The following ADAMTS17 variants were observed in gnomAD, a reference collection of about 807,000 sequenced individuals.
The protein encoded by ADAMTS17 is A disintegrin and metalloproteinase with thrombospondin motifs 17.
Under a neutral mutation model 141.5 loss-of-function variants are expected in ADAMTS17, and 113 were observed. The observed-to-expected ratio is 0.80, with a 90% CI of 0.69 to 0.93. The LOEUF is 0.93. ADAMTS17 is among the 40% of genes least tolerant of loss of function. ADAMTS17 has a pLI of 0.00. For synonymous variants in ADAMTS17, 768 were observed against 630.6 expected, an observed-to-expected ratio of 1.22 and a Z score of -3.27; for missense variants, 1,659 against 1,517.9, an observed-to-expected ratio of 1.09 and a Z score of -1.54.
intron 7 of ADAMTS17, among the ~76,000 whole-genome samples, chr15:100,209,769 G>A (rs1397760097): frequency 6.6e-6 from 1 of 152,112 alleles, no homozygotes; most frequent in African/African-American, 2.4e-5. Context: ...GAAAGTGGAT[G>A]GTACCAAGTC....
chr15:100,273,838 A>T (rs1022212773), intron 4 of ADAMTS17, among the ~76,000 whole-genome samples: 1 of 152,096 alleles, frequency 6.6e-6, no homozygotes, highest in Non-Finnish European at 1.5e-5. Context: ...TTTCCCCCTA[A>T]GCAGTGCTTT....
chr15:100,096,242 T>C, intron 15 of ADAMTS17, 114 bp downstream of exon 15: 6 of 1,542,724 alleles, frequency 3.9e-6, no homozygotes, highest in South Asian at 2.3e-5. Flanking sequence ...CCAGGTCACC[T>C]ATCCACTACC....
In ADAMTS17 at chr15:100,339,030, C is replaced by T. The variant is rs745746309; in HGVS notation, c.450+2009G>A. The T allele has an allele frequency of 7.9e-4, 780 of 985,412 alleles. 1 individual carries two copies. The highest frequency in any genetic ancestry group is 8.8e-4 in the Non-Finnish European group (732 of 829,994). 61.0% of individuals were successfully genotyped at this position (985,412 alleles called of 1,614,324 possible). ...GGAAGTGTCCAATGTCCAGCTCACA[C>T]GAACGGGATGAACAAGGCAGACTAA... On this transcript the variant is annotated intron_variant, in intron 2 of 21. Transcript: ENST00000268070.
chr15:99,975,917 T>C (rs557958758), intron 21 of ADAMTS17, 128 bp downstream of exon 21: 2 of 1,058,932 alleles, frequency 1.9e-6, no homozygotes, highest in Admixed American at 2.8e-5. Flanking sequence ...CTGACAAATG[T>C]CAGCCTTATG....
At chr15:100,305,252 C>T (rs912780867) in intron 3 of ADAMTS17, among the ~76,000 whole-genome samples, 3 of 152,102 alleles carry the variant, frequency 2.0e-5, no homozygotes, top group African/African-American at 7.2e-5. Flanking sequence ...CTTGTTTTAA[C>T]ATCTCAACCT....
chr15:100,284,354 T>A (rs977001288), intron 3 of ADAMTS17, among the ~76,000 whole-genome samples: 15 of 152,246 alleles, frequency 9.9e-5, no homozygotes, highest in African/African-American at 3.6e-4. Context: ...CTTTCCCCCA[T>A]TCCCTAGCAC....
At chr15:100,058,994 A>G (rs1389570978) in intron 15 of ADAMTS17, among the ~76,000 whole-genome samples, 1 of 152,202 alleles carries the variant, frequency 6.6e-6, no homozygotes, top group Non-Finnish European at 1.5e-5. Context: ...TTTGCTTCCC[A>G]AAGTGTAAAT....
At chr15:100,151,591 C>T (rs1370848725) in intron 10 of ADAMTS17, among the ~76,000 whole-genome samples, 3 of 152,294 alleles carry the variant, frequency 2.0e-5, no homozygotes, top group African/African-American at 7.2e-5. Flanking sequence ...GCTGGAATAG[C>T]CCTCCCTCAG....
intron 7 of ADAMTS17, among the ~76,000 whole-genome samples, chr15:100,213,070 T>A (rs2041860355): frequency 6.6e-6 from 1 of 152,200 alleles, no homozygotes; most frequent in South Asian, 2.1e-4. Context: ...AAAGGTATAA[T>A]CTTGAGTGTG....
Position 100,130,932 on chromosome 15 carries a change from C to A in ADAMTS17, c.1721+1075G>T, listed in dbSNP as rs957873620. 2.6e-5 allele frequency among the ~76,000 whole-genome samples: 4 copies of A among 152,202 alleles called. No homozygotes were observed. The East Asian group carries it at 7.7e-4, about 29-fold the overall frequency. ...ACACGCAGCCATATGTTTATTGTGG[C>A]ACTATTCACAATAGCAAAGACTTGG... On this transcript the variant is annotated intron_variant, in intron 12 of 21. Coordinates refer to ENST00000268070, the MANE Select transcript of ADAMTS17 (RefSeq NM_139057.4).
At chr15:99,998,516 A>G (rs1047359290) in intron 18 of ADAMTS17, among the ~76,000 whole-genome samples, 1 of 152,220 alleles carries the variant, frequency 6.6e-6, no homozygotes, top group African/African-American at 2.4e-5. Flanking sequence ...AGGCAGGAGA[A>G]TCGCTTGAAC....
chr15:100,287,506 G>A (rs996460710), intron 3 of ADAMTS17, among the ~76,000 whole-genome samples: 3 of 152,108 alleles, frequency 2.0e-5, no homozygotes, highest in African/African-American at 7.2e-5. Flanking sequence ...CACTAGAGAG[G>A]ACAACATTCA....
chr15:100,114,558 G>A (rs927911467), intron 13 of ADAMTS17, among the ~76,000 whole-genome samples: 5 of 152,210 alleles, frequency 3.3e-5, no homozygotes, highest in Non-Finnish European at 7.3e-5. Context: ...GACGTGTCGA[G>A]CTACCTGTGC....
rs1030329384 is a variant in ADAMTS17 at position 100,096,236 on chromosome 15, G to A, written c.2137+120C>T. ...TTCAGAAATGAAACTGAAGTTCCAG[G>A]TCACCTATCCACTACCATCTAGCCC... On this transcript the variant is annotated intron_variant, in intron 15 of 21. Transcript: ENST00000268070. The A allele has an allele frequency of 4.0e-6, 6 of 1,515,440 alleles. No homozygotes were observed. The East Asian group carries it at 9.1e-5, about 23-fold the overall frequency. 93.9% of individuals were successfully genotyped at this position (1,515,440 alleles called of 1,614,324 possible). A position where few individuals can be genotyped will look rare whatever the true frequency, so the allele number is the denominator to read the frequency against.
chr15:100,249,197 GAATCAGGGCCTTGGAA>G (rs1442464689), intron 7 of ADAMTS17, among the ~76,000 whole-genome samples: 1 of 152,196 alleles, frequency 6.6e-6, no homozygotes, highest in Non-Finnish European at 1.5e-5. Flanking sequence ...GGGCTCAGGA[GAATCAGGGCCTTGGAA>G]ACGCCAACTT....
chr15:100,246,060 T>C (rs1462347039), intron 7 of ADAMTS17, among the ~76,000 whole-genome samples: 1 of 152,154 alleles, frequency 6.6e-6, no homozygotes, highest in Non-Finnish European at 1.5e-5. Flanking sequence ...TTCTGTTCTC[T>C]TAGGCATAAC....
intron 2 of ADAMTS17, among the ~76,000 whole-genome samples, chr15:100,336,040 G>C (rs180820870): frequency 1.5e-4 from 23 of 152,362 alleles, no homozygotes; most frequent in African/African-American, 5.3e-4. Context: ...AGTTCAGGAA[G>C]TAAGCTCCAA....
chr15:100,267,969 T>C (rs563580872), intron 4 of ADAMTS17, among the ~76,000 whole-genome samples: 2 of 152,348 alleles, frequency 1.3e-5, no homozygotes, highest in African/African-American at 2.4e-5. Context: ...TTATCCATTT[T>C]TGTAACTATT....
rs759262722 is a variant in ADAMTS17, at chr15:100,109,104, T to C, written c.1901A>G (p.Glu634Gly). The change falls in exon 14 of 22, where the codon GAA becomes GGA. Residue 634 changes from glutamate (E) to glycine (G), a missense_variant. Coordinates refer to ENST00000268070, the MANE Select transcript of ADAMTS17 (RefSeq NM_139057.4). ...TAVVVDDKPC[E>G]LYCSPLGKES... is the part of the protein sequence containing the mutation. The stretch of plus-strand genomic sequence containing the variant: ...CTTCCCGAGGGGCGAGCAGTAGAGT[T>C]CACATGGCTTATCTGAGGAGGGAAA... 1 of 1,612,686 alleles carries C rather than the reference T, an allele frequency of 6.2e-7. No individual in the cohort carries two copies. Among genetic ancestry groups the C allele is most frequent in the Admixed American group, 1.7e-5 (1 of 59,838 alleles).
Sources: gnomAD v4.1 joint callset for allele counts (sites outside exome capture counted in the v4.1 genomes callset) on GRCh38, gnomAD v4.1.1 for gene constraint, MANE v1.5 for transcripts, NCBI Gene and HGNC (gene_info 2026-07-23, HGNC 2026-07-21) for gene names.